BRD10: variants seen among roughly 807,000 people sequenced by gnomAD.
The protein encoded by BRD10 is bromodomain containing 10.
chr9:5,911,377 C>G, the BRD10 span, among the ~76,000 whole-genome samples: 1 of 118,732 alleles, frequency 8.4e-6, no homozygotes, highest in African/African-American at 3.3e-5. Flanking sequence ...TTTCTGAGTT[C>G]TCTATTGTGT....
the BRD10 span, among the ~76,000 whole-genome samples, chr9:5,960,304 G>A: frequency 2.6e-5 from 4 of 152,160 alleles, no homozygotes; most frequent in African/African-American, 7.2e-5. Flanking sequence ...CCTCACGCCT[G>A]TAATCCCAGC....
At chr9:5,937,396 G>A in the BRD10 span, among the ~76,000 whole-genome samples, 5 of 151,984 alleles carry the variant, frequency 3.3e-5, no homozygotes, top group South Asian at 2.1e-4. Context: ...TTAGCTGGGC[G>A]TGGTGGCACA....
the BRD10 span, among the ~76,000 whole-genome samples, chr9:5,970,746 A>T: frequency 6.6e-6 from 1 of 152,128 alleles, no homozygotes. Flanking sequence ...GAAAGGACAA[A>T]TAGCCCAGTT....
the BRD10 span, among the ~76,000 whole-genome samples, chr9:5,963,574 C>A: frequency 4.0e-5 from 6 of 151,460 alleles, no homozygotes; most frequent in African/African-American, 1.2e-4. Flanking sequence ...TCATATGGAA[C>A]CAAAAAAGAG....
At chr9:5,929,928 G>C in the BRD10 span, among the ~76,000 whole-genome samples, 2 of 152,062 alleles carry the variant, frequency 1.3e-5, no homozygotes, top group African/African-American at 4.8e-5. Flanking sequence ...CAAGCTCTTA[G>C]AACCACATCA....
At chr9:5,919,860 A>G in the BRD10 span, 2 of 1,613,882 alleles carry the variant, frequency 1.2e-6, no homozygotes, top group Admixed American at 1.7e-5. Flanking sequence ...CTAACCAACA[A>G]TTTTTTGACA....
the BRD10 span, chr9:5,968,579 T>G: frequency 6.2e-7 from 1 of 1,613,932 alleles, no homozygotes; most frequent in South Asian, 1.1e-5. Context: ...CAAGATCATT[T>G]TAGCAGGACA....
chr9:5,892,040 ACTC>A, the BRD10 span, among the ~76,000 whole-genome samples: 1 of 152,162 alleles, frequency 6.6e-6, no homozygotes, highest in Non-Finnish European at 1.5e-5. Context: ...GAGAAAAATA[ACTC>A]CTCTAATTTT....
At chr9:5,915,927 AGAT>A in the BRD10 span, among the ~76,000 whole-genome samples, 1 of 152,202 alleles carries the variant, frequency 6.6e-6, no homozygotes, top group African/African-American at 2.4e-5. Flanking sequence ...AAAGTAATTA[AGAT>A]GATTACATAC....
chr9:6,007,890 C>T, the BRD10 span: 9 of 1,369,376 alleles, frequency 6.6e-6, no homozygotes, highest in African/African-American at 3.1e-5. Flanking sequence ...GGCGCGTAGC[C>T]CCCGCCACAT....
At chr9:5,895,799 G>A in the BRD10 span, among the ~76,000 whole-genome samples, 2 of 152,236 alleles carry the variant, frequency 1.3e-5, no homozygotes, top group Admixed American at 6.5e-5. Flanking sequence ...CTGCCAAGCT[G>A]GGCAGTGGGT....
chr9:5,986,862 A>G, the BRD10 span, among the ~76,000 whole-genome samples: 1 of 152,160 alleles, frequency 6.6e-6, no homozygotes, highest in African/African-American at 2.4e-5. Context: ...AAATGTTTTC[A>G]TTATCATATT....
the BRD10 span, among the ~76,000 whole-genome samples, chr9:5,917,097 T>C: frequency 6.6e-6 from 1 of 152,208 alleles, no homozygotes; most frequent in African/African-American, 2.4e-5. Context: ...TCAACAAATA[T>C]ACATTGAATA....
the BRD10 span, among the ~76,000 whole-genome samples, chr9:5,911,597 C>T: frequency 6.6e-6 from 1 of 150,426 alleles, no homozygotes; most frequent in Non-Finnish European, 1.5e-5. Flanking sequence ...TGCAGTGGCA[C>T]ATTCTCAGCT....
chr9:6,004,531 A>G, the BRD10 span, among the ~76,000 whole-genome samples: 4 of 152,246 alleles, frequency 2.6e-5, no homozygotes, highest in African/African-American at 7.2e-5. Context: ...GCTCACTAGA[A>G]AGCTCAGCAG....
the BRD10 span, among the ~76,000 whole-genome samples, chr9:6,005,537 CAG>C: frequency 6.6e-6 from 1 of 152,202 alleles, no homozygotes; most frequent in Non-Finnish European, 1.5e-5. Context: ...TTATTACACA[CAG>C]AGCTTTTGAA....
the BRD10 span, among the ~76,000 whole-genome samples, chr9:5,967,453 C>T: frequency 1.3e-5 from 2 of 152,056 alleles, no homozygotes; most frequent in African/African-American, 4.8e-5. Context: ...AATCCTTTTA[C>T]AGAAATATGC....
At chr9:5,940,421 C>G in the BRD10 span, among the ~76,000 whole-genome samples, 1 of 152,056 alleles carries the variant, frequency 6.6e-6, no homozygotes, top group African/African-American at 2.4e-5. Flanking sequence ...TCTCGAACTC[C>G]CAACCTTGTG....
At chr9:5,884,198 T>C in the BRD10 span, among the ~76,000 whole-genome samples, 1 of 152,166 alleles carries the variant, frequency 6.6e-6, no homozygotes, top group South Asian at 2.1e-4. Flanking sequence ...CACACAACAA[T>C]ACAGGTAATC....
Sources: allele counts gnomAD v4.1 joint callset (sites outside exome capture counted in the v4.1 genomes callset), GRCh38; gene constraint gnomAD v4.1.1; transcripts MANE v1.5; gene names NCBI Gene and HGNC (gene_info 2026-07-23, HGNC 2026-07-21).